FLNB: variants seen among roughly 807,000 people sequenced by gnomAD.
The protein encoded by FLNB is filamin B, also known as filamin-B.
A neutral mutation model predicts 250.6 loss-of-function variants in FLNB; 111 were observed. The observed-to-expected ratio is 0.44, with a 90% CI of 0.38 to 0.52. The LOEUF is 0.52. Among genes scored for constraint, FLNB ranks in the 20% least tolerant of loss-of-function variants. The probability of loss-of-function intolerance (pLI) is 0.00; values close to 1 mark genes in which losing one functional copy is unlikely to be tolerated. For missense variants in FLNB, 2,869 were observed against 3,447.8 expected, an observed-to-expected ratio of 0.83 and a Z score of 4.20; for synonymous variants, 1,302 against 1,372.1, an observed-to-expected ratio of 0.95 and a Z score of 1.13.
In FLNB at chr3:58,024,713, TTTTTTTTTTTTTTTTA is replaced by T. The variant is rs2097120482; in HGVS notation, c.292+15858_292+15873del. Among the ~76,000 whole-genome samples, 28 of 113,904 alleles carry T rather than the reference TTTTTTTTTTTTTTTTA, an allele frequency of 2.5e-4. 1 individual carries two copies. In the South Asian group the frequency reaches 8.6e-3, roughly 35 times the overall value. The allele number at this position is 113,904 out of a possible 152,430, so 74.7% of individuals were successfully genotyped here. The stretch of plus-strand genomic sequence containing the variant: ...CTGGCCAAGCCTCCTTTTTTTTTTT[TTTTTTTTTTTTTTTTA>T]ACCTTGAGACAGTCTTGCTTTGTTG... On this transcript the variant is annotated intron_variant, in intron 1 of 45. Transcript: ENST00000295956.
chr3:58,127,678 C>T (rs1248489772), intron 24 of FLNB, among the ~76,000 whole-genome samples: 1 of 152,120 alleles, frequency 6.6e-6, no homozygotes, highest in East Asian at 1.9e-4. Flanking sequence ...CCATATCTTG[C>T]CAGATGTCTT....
At chr3:58,100,108 C>T (rs1302389934) in intron 8 of FLNB, among the ~76,000 whole-genome samples, 2 of 151,920 alleles carry the variant, frequency 1.3e-5, no homozygotes, top group East Asian at 1.9e-4. Flanking sequence ...TCTGGTATGA[C>T]CAACTTTTCT....
intron 36 of FLNB, chr3:58,149,101 G>A (rs2097340684): frequency 1.9e-6 from 1 of 517,510 alleles, no homozygotes; most frequent in Non-Finnish European, 3.5e-6. Context: ...TCTGAACCCA[G>A]AGCCACAACA....
At position 58,142,604 on chromosome 3, in the gene FLNB, C is replaced by T. The variant is rs1675352766; in HGVS notation, c.5182-46C>T. On this transcript the variant is annotated intron_variant, in intron 30 of 45. Coordinates refer to ENST00000295956, the MANE Select transcript of FLNB (RefSeq NM_001457.4). This position sits in a 1 kb window ranked among gnomAD's most constrained non-coding sequence, Gnocchi z 4.3. ...CTAACCCCTGTAGCTTCACCAGCTC[C>T]CGCTGTTGTCTGCTTTACCCAGTGA... 6.6e-7 allele frequency: 1 copy of T among 1,507,230 alleles called. No homozygotes were observed. The highest frequency in any genetic ancestry group is 9.2e-7 in the Non-Finnish European group (1 of 1,083,946). The allele number at this position is 1,507,230 out of a possible 1,614,324, so 93.4% of individuals were successfully genotyped here.
chr3:58,124,089 A>G (rs1401741623), intron 21 of FLNB, among the ~76,000 whole-genome samples: 1 of 152,226 alleles, frequency 6.6e-6, no homozygotes, highest in Non-Finnish European at 1.5e-5. Context: ...TTAGTCTTCA[A>G]CCTTTAACCT....
At chr3:58,044,904 A>C (rs1019163420) in intron 1 of FLNB, among the ~76,000 whole-genome samples, 1 of 152,210 alleles carries the variant, frequency 6.6e-6, no homozygotes, top group African/African-American at 2.4e-5. Context: ...TTGACTGGAA[A>C]AACTGAATCA....
rs55929512 is a variant in FLNB, at chr3:58,044,436, AAAACAAAC to A, written c.293-32597_293-32590del. Among the ~76,000 whole-genome samples the A allele has an allele frequency of 8.6e-5, 13 of 150,952 alleles. No homozygotes were observed. In the East Asian group the frequency reaches 2.4e-3, roughly 28 times the overall value. On this transcript the variant is annotated intron_variant, in intron 1 of 45. Transcript: ENST00000295956. ...ACATAAAGAGACCCTGTCTCTACAA[AAAACAAAC>A]AAACAAACAAACCAAAAAAACCCCA...
In FLNB at chr3:58,148,201, C is replaced by T. The variant is rs1430374699; in HGVS notation, c.5729-5C>T. ...CGGGAGTCCTTTTTGGGGGATGTTT[C>T]CCAGATGACAGCAGGCGGTGCTCCC... is the stretch of plus-strand genomic sequence containing the variant. On this transcript the variant is annotated splice_region_variant and splice_polypyrimidine_tract_variant and intron_variant, in intron 34 of 45. Coordinates refer to ENST00000295956, the MANE Select transcript of FLNB (RefSeq NM_001457.4). 1 of 1,614,178 alleles carries T rather than the reference C, an allele frequency of 6.2e-7. No homozygotes were observed.
In FLNB at chr3:58,121,373, G is replaced by C. The variant is rs755928543; in HGVS notation, c.2996G>C (p.Arg999Pro). Residue 999 changes from arginine (R) to proline (P), a missense_variant, in exon 20 of 46, where the codon CGG (arginine) becomes CCG (proline). Physicochemically the swap from Arg to Pro is moderately radical, Grantham distance 103. Around this residue, in one of 5 missense-constraint regions of FLNB, gnomAD observed 1,348 missense variants for 1,466.7 expected, o/e 0.92. Coordinates refer to ENST00000295956, the MANE Select transcript of FLNB (RefSeq NM_001457.4). Reference protein sequence around the residue: ...VPCLVTPVTGRENSTAKFIPR... With the variant: ...VPCLVTPVTGPENSTAKFIPR... ...TGCCTAGTGACACCTGTGACAGGCC[G>C]GGAGAACAGCACGGCCAAGTTCATC... is the stretch of plus-strand genomic sequence containing the variant. 8.7e-5 allele frequency: 141 copies of C among 1,614,026 alleles called. No homozygotes were observed. Among genetic ancestry groups the C allele is most frequent in the Non-Finnish European group, 1.2e-4 (140 of 1,180,038 alleles).
intron 22 of FLNB, 39 bp from the exon 23 acceptor site, chr3:58,125,542 T>TGTATGCAA: frequency 6.2e-7 from 1 of 1,609,210 alleles, no homozygotes; most frequent in Non-Finnish European, 8.5e-7. Flanking sequence ...ATAGGGGATT[T>TGTATGCAA]GTATGCAAAT....
chr3:58,039,837 T>C (rs1478730732), intron 1 of FLNB, among the ~76,000 whole-genome samples: 3 of 152,110 alleles, frequency 2.0e-5, no homozygotes, highest in South Asian at 2.1e-4. Context: ...TCTCACGTTG[T>C]GAAGAGATGC....
intron 1 of FLNB, among the ~76,000 whole-genome samples, chr3:58,052,830 C>T (rs917350899): frequency 5.9e-5 from 9 of 152,222 alleles, no homozygotes; most frequent in Non-Finnish European, 1.2e-4. Flanking sequence ...ATGCCCTGCC[C>T]TGTCCGGATT....
intron 1 of FLNB, among the ~76,000 whole-genome samples, chr3:58,051,054 G>C (rs1371515579): frequency 6.6e-6 from 1 of 152,264 alleles, no homozygotes; most frequent in East Asian, 1.9e-4. Context: ...CTTTGTCCCA[G>C]CCTGGCCATT....
chr3:58,105,511 T>G (rs547958287), intron 11 of FLNB, among the ~76,000 whole-genome samples: 1 of 152,224 alleles, frequency 6.6e-6, no homozygotes, highest in Admixed American at 6.5e-5. Context: ...CTTTATAGTT[T>G]AGATGAATGA....
intron 18 of FLNB, among the ~76,000 whole-genome samples, chr3:58,113,869 G>C (rs1365335620): frequency 6.6e-6 from 1 of 151,960 alleles, no homozygotes; most frequent in Non-Finnish European, 1.5e-5. Context: ...GGTAGAGACG[G>C]GGTTTCGCCA....
At chr3:58,070,779 C>T (rs1718462) in intron 1 of FLNB, among the ~76,000 whole-genome samples, 56,635 of 151,128 alleles carry the variant, frequency 0.37, 12,015 homozygotes, top group African/African-American at 0.55. Context: ...CTTGCCTCAG[C>T]CTCCCGAGTA....
chr3:58,112,055 A>G, intron 17 of FLNB, 94 bp from the exon 18 acceptor site: 2 of 1,318,816 alleles, frequency 1.5e-6, no homozygotes, highest in Non-Finnish European at 1.1e-6. Context: ...TGGCTGTCAT[A>G]ATAGACCTGG....
In FLNB at chr3:58,106,808, G is replaced by A; in HGVS notation, c.1876G>A (p.Asp626Asn). ...YAVHIMCDDEDIKDSPYMAFI... is the reference protein window; with the variant it reads ...YAVHIMCDDENIKDSPYMAFI... ...TGTTCACATCATGTGTGACGACGAA[G>A]ACATCAAGGACAGCCCGTACATGGC... is the stretch of plus-strand genomic sequence containing the variant. The change falls in exon 12 of 46, where the codon GAC (aspartate) becomes AAC (asparagine). Residue 626 changes from aspartate (D) to asparagine (N), a missense_variant. Around this residue, in one of 5 missense-constraint regions of FLNB, gnomAD observed 1,348 missense variants for 1,466.7 expected, o/e 0.92. Transcript: ENST00000295956. The A allele has an allele frequency of 6.2e-7, 1 of 1,614,158 alleles. No homozygotes were observed. The highest frequency in any genetic ancestry group is 8.5e-7 in the Non-Finnish European group (1 of 1,180,020).
At chr3:58,045,086 C>T (rs1036187778) in intron 1 of FLNB, among the ~76,000 whole-genome samples, 5 of 152,110 alleles carry the variant, frequency 3.3e-5, no homozygotes, top group South Asian at 2.1e-4. Context: ...AAGGGATGTG[C>T]CCCCTCACCA....
Sources: gnomAD v4.1 joint callset for allele counts (sites outside exome capture counted in the v4.1 genomes callset) on GRCh38, gnomAD v4.1.1 for gene constraint, gnomAD v4.1.1 regional missense constraint, Gnocchi (gnomAD v3.1) non-coding constraint, MANE v1.5 for transcripts, NCBI Gene and HGNC (gene_info 2026-07-23, HGNC 2026-07-21) for gene names.